Variants in SGCZ observed in about 807,000 individuals in gnomAD.
SGCZ encodes zeta-sarcoglycan.
In SGCZ, 40 loss-of-function variants were observed where a neutral mutation model predicts 41.3. That is an observed-to-expected ratio of 0.97 (90% CI 0.75 to 1.26). The LOEUF (loss-of-function observed/expected upper bound fraction) is 1.26. SGCZ is among the 50% of genes most tolerant of loss of function. SGCZ has a pLI of 0.00. For synonymous variants in SGCZ, 206 were observed against 137.5 expected (o/e 1.50, Z -3.49); for missense variants, 552 against 369.8 (o/e 1.49, Z -4.04).
intron 1 of SGCZ, among the ~76,000 whole-genome samples, chr8:15,087,227 AT>A (rs751112149): frequency 6.6e-6 from 1 of 152,084 alleles, no homozygotes; most frequent in Non-Finnish European, 1.5e-5. Flanking sequence ...ACTCTGCTGG[AT>A]ATAGTAAAGT....
intron 1 of SGCZ, among the ~76,000 whole-genome samples, chr8:14,983,009 A>C (rs1801719426): frequency 6.6e-6 from 1 of 152,174 alleles, no homozygotes; most frequent in Non-Finnish European, 1.5e-5. Context: ...AAGTCATTGA[A>C]TCATTTGGGT....
chr8:15,129,292 C>G (rs940616414), intron 1 of SGCZ, among the ~76,000 whole-genome samples: 3 of 152,142 alleles, frequency 2.0e-5, no homozygotes, highest in Non-Finnish European at 2.9e-5. Flanking sequence ...AGATACCACT[C>G]CCTACACCCT....
chr8:15,132,458 G>C (rs992122435), intron 1 of SGCZ, among the ~76,000 whole-genome samples: 1 of 152,166 alleles, frequency 6.6e-6, no homozygotes, highest in Non-Finnish European at 1.5e-5. Flanking sequence ...AATAGGCAAG[G>C]CATGAATGAA....
intron 1 of SGCZ, among the ~76,000 whole-genome samples, chr8:15,013,780 T>G (rs1802920785): frequency 6.6e-6 from 1 of 152,164 alleles, no homozygotes; most frequent in Non-Finnish European, 1.5e-5. Flanking sequence ...GAATAGTAGT[T>G]ATAATTAAGA....
At chr8:14,795,094 G>C (rs189225332) in intron 1 of SGCZ, among the ~76,000 whole-genome samples, 52 of 152,292 alleles carry the variant, frequency 3.4e-4, no homozygotes, top group African/African-American at 1.1e-3. Context: ...AAAGGAAACA[G>C]AAGACCCAAC....
chr8:14,337,858 A>G (rs1802556844), intron 2 of SGCZ, among the ~76,000 whole-genome samples: 1 of 152,188 alleles, frequency 6.6e-6, no homozygotes, highest in African/African-American at 2.4e-5. Context: ...GAGATGGCAG[A>G]GCATTGACAC....
At chr8:14,146,415 G>T (rs1053531691) in intron 5 of SGCZ, among the ~76,000 whole-genome samples, 2 of 152,106 alleles carry the variant, frequency 1.3e-5, no homozygotes, top group African/African-American at 4.8e-5. Context: ...ATCAACATCA[G>T]CTCTGTCTTA....
At chr8:14,681,095 G>T (rs1808432653) in intron 1 of SGCZ, among the ~76,000 whole-genome samples, 1 of 151,610 alleles carries the variant, frequency 6.6e-6, no homozygotes, top group Non-Finnish European at 1.5e-5. Context: ...TACATTTAAT[G>T]AAATAATGGC....
chr8:14,185,463 G>A (rs1804873455), intron 4 of SGCZ, among the ~76,000 whole-genome samples: 1 of 151,972 alleles, frequency 6.6e-6, no homozygotes, highest in Non-Finnish European at 1.5e-5. Flanking sequence ...TCATTACTCA[G>A]CTTCAATTGA....
chr8:14,614,009 G>A (rs1307056227), intron 1 of SGCZ, among the ~76,000 whole-genome samples: 3 of 152,108 alleles, frequency 2.0e-5, no homozygotes, highest in Admixed American at 1.3e-4. Context: ...TTTAAACTAT[G>A]TCAGTTTAGG....
chr8:14,854,262 A>G (rs1461160184), intron 1 of SGCZ, among the ~76,000 whole-genome samples: 1 of 151,648 alleles, frequency 6.6e-6, no homozygotes, highest in Non-Finnish European at 1.5e-5. Context: ...TGGTGTTAAC[A>G]ACATTATATG....
chr8:14,676,110 A>C (rs1808269205), intron 1 of SGCZ, among the ~76,000 whole-genome samples: 1 of 152,210 alleles, frequency 6.6e-6, no homozygotes, highest in Non-Finnish European at 1.5e-5. Flanking sequence ...ACTCAGGAAT[A>C]GTTTGTGTTC....
rs573771784 is a variant in SGCZ, at chr8:14,506,470, A to C, written c.234+48262T>G. On this transcript the variant is annotated intron_variant, in intron 2 of 7. Transcript: ENST00000382080. The stretch of plus-strand genomic sequence containing the variant: ...AAATAACCAAACAAATAAACAAAGA[A>C]ACAAACAAAACAAGTTATTAACTTA... Among the ~76,000 whole-genome samples the C allele has an allele frequency of 8.0e-5, 12 of 150,652 alleles. No homozygotes were observed. The East Asian group carries it at 2.4e-3, about 30-fold the overall frequency.
intron 2 of SGCZ, among the ~76,000 whole-genome samples, chr8:14,533,356 T>C (rs1223046742): frequency 6.6e-6 from 1 of 152,070 alleles, no homozygotes; most frequent in East Asian, 1.9e-4. Context: ...CCTTTTCTTA[T>C]CAAATTAAAA....
Position 15,228,345 on chromosome 8 carries a change from T to G in SGCZ, c.39+9240A>C, listed in dbSNP as rs141767893. Reference sequence around the variant, plus strand: ...ATTTCTCCCAGGGATGATTTAATAATGAGGAGCTTTATCATTAAGACACGA... The same window carrying G: ...ATTTCTCCCAGGGATGATTTAATAAGGAGGAGCTTTATCATTAAGACACGA... On this transcript the variant is annotated intron_variant, in intron 1 of 7. Transcript: ENST00000382080. Among the ~76,000 whole-genome samples, 265 of 152,280 alleles carry G rather than the reference T, an allele frequency of 1.7e-3. 3 individuals are homozygous for G. Among genetic ancestry groups the G allele is most frequent in the African/African-American group, 6.1e-3 (255 of 41,566 alleles).
chr8:15,225,235 AT>A (rs1219977676), intron 1 of SGCZ, among the ~76,000 whole-genome samples: 1 of 152,108 alleles, frequency 6.6e-6, no homozygotes, highest in Non-Finnish European at 1.5e-5. Context: ...TATGCAGGCC[AT>A]TTTTTTCCTA....
At chr8:15,154,936 C>A (rs1002530898) in intron 1 of SGCZ, among the ~76,000 whole-genome samples, 1 of 152,044 alleles carries the variant, frequency 6.6e-6, no homozygotes, top group Non-Finnish European at 1.5e-5. Flanking sequence ...TAATTAACAA[C>A]AATATATTGT....
chr8:14,250,775 C>T (rs1035870693), intron 3 of SGCZ, among the ~76,000 whole-genome samples: 3 of 152,190 alleles, frequency 2.0e-5, no homozygotes, highest in Admixed American at 6.5e-5. Flanking sequence ...CATGTCCCAG[C>T]GCTCCTATGC....
chr8:14,768,810 C>T (rs1190074832), intron 1 of SGCZ, among the ~76,000 whole-genome samples: 1 of 151,910 alleles, frequency 6.6e-6, no homozygotes, highest in Non-Finnish European at 1.5e-5. Flanking sequence ...TCTGCTTGTC[C>T]CATTTTAACC....
Sources: allele counts gnomAD v4.1 joint callset (sites outside exome capture counted in the v4.1 genomes callset), GRCh38; gene constraint gnomAD v4.1.1; transcripts MANE v1.5; gene names NCBI Gene and HGNC (gene_info 2026-07-23, HGNC 2026-07-21).